Variants in KATNBL1 observed in about 807,000 individuals in gnomAD.
The protein encoded by KATNBL1 is KATNB1-like protein 1.
Under a neutral mutation model 44.7 loss-of-function variants are expected in KATNBL1, and 28 were observed. The ratio of observed to expected loss-of-function variants is 0.63; its 90% CI spans 0.46 to 0.86. The LOEUF (loss-of-function observed/expected upper bound fraction) is 0.86. Ranked by LOEUF, KATNBL1 falls within the 40% of genes least tolerant of loss-of-function variation. The pLI is 0.00. For synonymous variants in KATNBL1, 78 were observed against 114.9 expected, an observed-to-expected ratio of 0.68 and a Z score of 2.06; for missense variants, 272 against 350.7, an observed-to-expected ratio of 0.78 and a Z score of 1.79.
chr15:34,153,101 A>G (rs777329972), intron 3 of KATNBL1, 32 bp from the exon 4 acceptor site: 2 of 1,516,112 alleles, frequency 1.3e-6, no homozygotes, highest in Non-Finnish European at 1.8e-6. Context: ...TTAAATGAAA[A>G]AGAACCATAT....
In KATNBL1 at chr15:34,196,119, T is replaced by C. The variant is rs185930864; in HGVS notation, c.-15+13832A>G. On this transcript the variant is annotated intron_variant, in intron 1 of 9. Transcript: ENST00000256544. ...TACACATGTATCTTAAACATTTCAA[T>C]TTAAAATCTAAAAATCAGCCAGGCG... Among the ~76,000 whole-genome samples the C allele has an allele frequency of 7.0e-4, 107 of 152,282 alleles. No homozygotes were observed. In the East Asian group the frequency reaches 0.014, roughly 19 times the overall value.
chr15:34,196,721 C>T (rs925212999), intron 1 of KATNBL1, among the ~76,000 whole-genome samples: 22 of 152,138 alleles, frequency 1.4e-4, no homozygotes, highest in African/African-American at 5.3e-4. Context: ...AAACCAGACT[C>T]CGTCTCAAAA....
At chr15:34,202,942 G>A (rs2141005264) in intron 1 of KATNBL1, among the ~76,000 whole-genome samples, 1 of 152,210 alleles carries the variant, frequency 6.6e-6, no homozygotes, top group South Asian at 2.1e-4. Context: ...AGTAAGCCAA[G>A]ATCACGCCAT....
chr15:34,194,023 C>T (rs569766952), intron 1 of KATNBL1, among the ~76,000 whole-genome samples: 10 of 152,224 alleles, frequency 6.6e-5, no homozygotes, highest in African/African-American at 1.2e-4. Context: ...CTCACCACAA[C>T]GTCCGCCTCC....
chr15:34,193,216 C>CAAAAAAAAAAA (rs34216208), intron 1 of KATNBL1, among the ~76,000 whole-genome samples: 11 of 66,346 alleles, frequency 1.7e-4, no homozygotes, highest in African/African-American at 4.9e-4. Flanking sequence ...GACTCCGTCT[C>CAAAAAAAAAAA]AAAAAAAAAA....
chr15:34,194,335 G>A (rs1889974611), intron 1 of KATNBL1, among the ~76,000 whole-genome samples: 1 of 152,072 alleles, frequency 6.6e-6, no homozygotes. Context: ...AGGGCCAGGT[G>A]CAGTGGGTCA....
chr15:34,146,539 G>C lies in KATNBL1; in HGVS notation c.788+222C>G, dbSNP rs1597422993. On this transcript the variant is annotated intron_variant, in intron 8 of 9. Coordinates refer to ENST00000256544, the MANE Select transcript of KATNBL1 (RefSeq NM_024713.3). ...TTTTTCTTCTAAAATGAAGGGTAGG[G>C]TTGTGCCAGAAGAAGAGATACAGGA... 8.5e-6 allele frequency: 4 copies of C among 468,992 alleles called. No homozygotes were observed. The East Asian group carries it at 1.5e-4, about 17-fold the overall frequency. 29.1% of individuals were successfully genotyped at this position (468,992 alleles called of 1,614,324 possible). A position where few individuals can be genotyped will look rare whatever the true frequency, so the allele number is the denominator to read the frequency against.
intron 5 of KATNBL1, 86 bp downstream of exon 5, chr15:34,148,545 GC>G (rs1888377216): frequency 4.1e-6 from 3 of 736,560 alleles, no homozygotes; most frequent in African/African-American, 1.8e-5. Flanking sequence ...CCATGATTGT[GC>G]CACTGTACTC....
rs186080751 is a variant in KATNBL1, at chr15:34,141,061, C to T, written c.*1278G>A. ...ATTACTAAAAACCTTTGCTCAGATG[C>T]CTGTCAGGCATATTAAGGATGGGAT... On this transcript the variant is annotated 3_prime_UTR_variant, in exon 10 of 10. Transcript: ENST00000256544. 2.2e-4 allele frequency: 34 copies of T among 152,242 alleles called. No homozygotes were observed. Among genetic ancestry groups the T allele is most frequent in the African/African-American group, 6.0e-4 (25 of 41,552 alleles). The allele number at this position is 152,242 out of a possible 1,614,324, so 9.4% of individuals were successfully genotyped here. A position where few individuals can be genotyped will look rare whatever the true frequency, so the allele number is the denominator to read the frequency against.
intron 1 of KATNBL1, among the ~76,000 whole-genome samples, chr15:34,193,249 TA>T (rs1234821153): frequency 9.3e-6 from 1 of 107,200 alleles, no homozygotes; most frequent in African/African-American, 3.7e-5. Context: ...AAAAAAAACT[TA>T]AGGCCAGATG....
At chr15:34,184,319 T>G (rs1409118915) in intron 1 of KATNBL1, among the ~76,000 whole-genome samples, 3 of 96,908 alleles carry the variant, frequency 3.1e-5, no homozygotes, top group African/African-American at 4.8e-5. Context: ...AAAAAAAAAT[T>G]AGCTGGGCGT....
At chr15:34,171,276 G>T (rs145701941) in intron 1 of KATNBL1, among the ~76,000 whole-genome samples, 125 of 152,222 alleles carry the variant, frequency 8.2e-4, no homozygotes, top group Non-Finnish European at 1.6e-3. Flanking sequence ...GTGGGCAAAG[G>T]ATATGAACAG....
rs1463315213 is a variant in KATNBL1, at chr15:34,193,045, G to A, written c.-15+16906C>T. Among the ~76,000 whole-genome samples the A allele has an allele frequency of 1.3e-4, 20 of 150,368 alleles. No homozygotes were observed. In the East Asian group the frequency reaches 3.4e-3, roughly 25 times the overall value. The stretch of plus-strand genomic sequence containing the variant: ...ATCCTGGCTAACACAGTGAAACCCC[G>A]CCTCTATTAAAAATACAAAAAATTA... On this transcript the variant is annotated intron_variant, in intron 1 of 9. Transcript: ENST00000256544.
chr15:34,163,580 T>C lies in KATNBL1; in HGVS notation c.97A>G (p.Thr33Ala), dbSNP rs1346305092. ...DLPRKKISNF[T>A]NKNMKEVKKS... ...CTTACCTCCTTCATGTTCTTATTAG[T>C]GAAATTAGAGATCTTTTTTCTAGGA... The change falls in exon 2 of 10, where the codon ACT becomes GCT. Residue 33 changes from threonine to alanine, a missense_variant. Coordinates refer to ENST00000256544, the MANE Select transcript of KATNBL1 (RefSeq NM_024713.3). The C allele has an allele frequency of 1.3e-6, 2 of 1,595,138 alleles. No individual in the cohort carries two copies. The highest frequency in any genetic ancestry group is 2.3e-5 in the East Asian group (1 of 44,354).
intron 1 of KATNBL1, among the ~76,000 whole-genome samples, chr15:34,175,544 A>G (rs979390411): frequency 2.0e-5 from 3 of 152,192 alleles, no homozygotes; most frequent in African/African-American, 7.2e-5. Flanking sequence ...GTTTTCTAAA[A>G]CTTTTTAAGA....
intron 9 of KATNBL1, among the ~76,000 whole-genome samples, chr15:34,144,005 A>C (rs926370160): frequency 8.6e-5 from 13 of 151,266 alleles, no homozygotes; most frequent in Non-Finnish European, 1.9e-4. Flanking sequence ...TATAGAGTAA[A>C]ATCCCACACA....
At chr15:34,203,884 G>A (rs1162658334) in intron 1 of KATNBL1, among the ~76,000 whole-genome samples, 2 of 151,760 alleles carry the variant, frequency 1.3e-5, no homozygotes, top group African/African-American at 4.8e-5. Context: ...CTGTTGGGGG[G>A]TGGGGGGCTA....
chr15:34,169,485 A>T (rs896585358), intron 1 of KATNBL1, among the ~76,000 whole-genome samples: 34 of 152,342 alleles, frequency 2.2e-4, no homozygotes, highest in African/African-American at 6.0e-4. Flanking sequence ...GACCAAACAG[A>T]TTCACAGCCG....
chr15:34,180,948 T>G (rs1163510618), intron 1 of KATNBL1, among the ~76,000 whole-genome samples: 2 of 152,074 alleles, frequency 1.3e-5, no homozygotes, highest in Non-Finnish European at 2.9e-5. Flanking sequence ...TTCAAAATAT[T>G]TCACAGATCC....
Sources: allele counts gnomAD v4.1 joint callset (sites outside exome capture counted in the v4.1 genomes callset), GRCh38; gene constraint gnomAD v4.1.1; transcripts MANE v1.5; gene names NCBI Gene and HGNC (gene_info 2026-07-23, HGNC 2026-07-21).